ZNF286A: variants seen among roughly 807,000 people sequenced by gnomAD.
The protein encoded by ZNF286A is zinc finger protein ZNF286.
In ZNF286A, 34 loss-of-function variants were observed where a neutral mutation model predicts 49.3. The observed-to-expected ratio is 0.69, with a 90% CI of 0.52 to 0.92. The LOEUF (loss-of-function observed/expected upper bound fraction) is 0.92, where lower values mean the gene tolerates loss of function less well. ZNF286A is among the 40% of genes least tolerant of loss of function. ZNF286A has a pLI of 0.00. For missense variants in ZNF286A, 462 were observed against 600.2 expected (o/e 0.77, Z 2.41); for synonymous variants, 155 against 200.4 (o/e 0.77, Z 1.91).
rs375947515 is a variant in ZNF286A, at chr17:15,708,226, G to A, written c.313G>A (p.Ala105Thr). The A allele has an allele frequency of 4.4e-6, 7 of 1,589,754 alleles. No individual in the cohort carries two copies. Among genetic ancestry groups the A allele is most frequent in the Non-Finnish European group, 6.0e-6 (7 of 1,168,296 alleles). The change falls in exon 5 of 6, where the codon GCC becomes ACC. Residue 105 changes from alanine (A) to threonine (T), a missense_variant. Ala to Thr is a moderately conservative substitution (Grantham distance 58). Coordinates refer to ENST00000583566, the MANE Select transcript of ZNF286A (RefSeq NM_001130842.2). ...GKEPLKLERK[A>T]PKSSYSDMET... ...AGAACCATTGAAGCTTGAGAGAAAA[G>A]CCCCCAAAAGCAGCTATTCAGGTGA...
chr17:15,705,917 C>T (rs1159764581), intron 3 of ZNF286A, among the ~76,000 whole-genome samples: 4 of 152,068 alleles, frequency 2.6e-5, no homozygotes, highest in Non-Finnish European at 4.4e-5. Context: ...TGGTTTTTTG[C>T]TGTCTTTTCT....
rs1261076571 is a variant in ZNF286A at position 15,719,067 on chromosome 17, C to T, written c.*1777C>T. 1 of 119,582 alleles carries T rather than the reference C, an allele frequency of 8.4e-6. No individual in the cohort carries two copies. The highest frequency in any genetic ancestry group is 8.2e-5 in the Admixed American group (1 of 12,152). The allele number at this position is 119,582 out of a possible 1,614,324, so 7.4% of individuals were successfully genotyped here. Reference sequence around the variant, plus strand: ...TCCAGTCACCTTGCACCAGGCCCCACCTCCCACATTGGGGATTACAATTAA... The same window carrying T: ...TCCAGTCACCTTGCACCAGGCCCCATCTCCCACATTGGGGATTACAATTAA... On this transcript the variant is annotated 3_prime_UTR_variant, in exon 6 of 6. Transcript: ENST00000583566.
At chr17:15,709,172 A>C (rs1017425067) in intron 5 of ZNF286A, among the ~76,000 whole-genome samples, 1 of 151,702 alleles carries the variant, frequency 6.6e-6, no homozygotes, top group African/African-American at 2.4e-5. Flanking sequence ...TAAGAAATAA[A>C]AATATTACAT....
intron 5 of ZNF286A, chr17:15,709,822 C>G: frequency 1.3e-6 from 2 of 1,546,848 alleles, no homozygotes; most frequent in Non-Finnish European, 1.7e-6. Context: ...TTAGCAGTTG[C>G]AGTGATCATC....
Position 15,716,210 on chromosome 17 carries a change from A to G in ZNF286A, c.486A>G (p.Leu162=). The G allele has an allele frequency of 6.2e-7, 1 of 1,613,922 alleles. No individual in the cohort carries two copies. The highest frequency in any genetic ancestry group is 8.5e-7 in the Non-Finnish European group (1 of 1,179,832). ...LEAALECENW[L]ENQQGNQERH... is the part of the protein sequence containing the mutation. The stretch of plus-strand genomic sequence containing the variant: ...CAGCCCTTGAATGTGAAAATTGGTT[A>G]GAGAATCAGCAAGGAAATCAGGAGA... Residue 162 remains leucine (L), a synonymous_variant, in exon 6 of 6, where the codon TTA becomes TTG. Transcript: ENST00000583566.
At chr17:15,711,068 A>C (rs1259789351) in intron 5 of ZNF286A, among the ~76,000 whole-genome samples, 1 of 151,588 alleles carries the variant, frequency 6.6e-6, no homozygotes, top group African/African-American at 2.4e-5. Context: ...TACGCCACCA[A>C]ACCCGGCTAA....
intron 5 of ZNF286A, chr17:15,708,482 C>G (rs1480473204): frequency 5.6e-6 from 2 of 355,422 alleles, no homozygotes; most frequent in Admixed American, 9.1e-5. Flanking sequence ...TTCTTCCTTT[C>G]TTTTTCTTAC....
chr17:15,716,899 G>T lies in ZNF286A; in HGVS notation c.1175G>T (p.Ser392Ile). 6.2e-7 allele frequency: 1 copy of T among 1,610,778 alleles called. No homozygotes were observed. The highest frequency in any genetic ancestry group is 8.5e-7 in the Non-Finnish European group (1 of 1,177,908). ...YKCQECGKAF[S>I]HCSSLTKHQR... is the part of the protein sequence containing the mutation. ...TGTCAAGAATGTGGGAAAGCCTTTA[G>T]CCATTGCTCATCCCTAACTAAGCAT... The change falls in exon 6 of 6, where the codon AGC becomes ATC. Residue 392 changes from serine (S) to isoleucine (I), a missense_variant. By Grantham distance (142) the Ser-to-Ile change is moderately radical. This residue lies in a region of ZNF286A where 201 missense variants were observed against 311.3 expected (regional missense o/e 0.65). Transcript: ENST00000583566.
At chr17:15,710,583 C>T (rs1990575882) in intron 5 of ZNF286A, among the ~76,000 whole-genome samples, 2 of 152,046 alleles carry the variant, frequency 1.3e-5, no homozygotes, top group Admixed American at 1.3e-4. Flanking sequence ...TGTCTAATAC[C>T]AGACTGTTTT....
chr17:15,711,649 G>A (rs1167014772), intron 5 of ZNF286A, among the ~76,000 whole-genome samples: 1 of 152,100 alleles, frequency 6.6e-6, no homozygotes, highest in African/African-American at 2.4e-5. Context: ...TGTGGGACAT[G>A]GTGTCTCTGC....
intron 5 of ZNF286A, among the ~76,000 whole-genome samples, chr17:15,711,870 C>T (rs868399416): frequency 0.017 from 1,619 of 94,616 alleles, 95 homozygotes; most frequent in African/African-American, 0.051. Flanking sequence ...GCCCCCCCCC[C>T]GGCTTTTTTT....
chr17:15,702,252 T>C (rs1467176150), intron 3 of ZNF286A, among the ~76,000 whole-genome samples: 2 of 152,282 alleles, frequency 1.3e-5, no homozygotes, highest in East Asian at 3.9e-4. Context: ...CGGTGGCTCA[T>C]GCCTGTAATC....
In ZNF286A at chr17:15,708,261, A is replaced by G. The variant is rs1388223831; in HGVS notation, c.334+14A>G. 9 of 1,561,332 alleles carry G rather than the reference A, an allele frequency of 5.8e-6. No individual in the cohort carries two copies. The South Asian group carries it at 9.8e-5, about 17-fold the overall frequency. ...GCAGCTATTCAGGTGAGCCAGATAG[A>G]TGGGAGTCTTCATAAATGATAGCCC... On this transcript the variant is annotated intron_variant, in intron 5 of 5. Transcript: ENST00000583566.
At chr17:15,708,093 C>T (rs1990372969) in intron 4 of ZNF286A, 62 bp from the exon 5 acceptor site, 2 of 1,230,464 alleles carry the variant, frequency 1.6e-6, no homozygotes, top group Middle Eastern at 2.2e-4. Context: ...AAGAAAACTT[C>T]CACAAATAAC....
Position 15,716,618 on chromosome 17 carries a change from T to C in ZNF286A, c.894T>C (p.Phe298=). ...KHQRTHTRIL[F]ECSECKKTFT... is the part of the protein sequence containing the mutation. Reference sequence around the variant, plus strand: ...AGAGAACTCATACTAGAATTCTCTTTGAATGCAGTGAATGCAAGAAAACCT... The same window carrying C: ...AGAGAACTCATACTAGAATTCTCTTCGAATGCAGTGAATGCAAGAAAACCT... The change falls in exon 6 of 6, where the codon TTT becomes TTC. Residue 298 remains phenylalanine (F), a synonymous_variant. Transcript: ENST00000583566. 1 of 1,614,110 alleles carries C rather than the reference T, an allele frequency of 6.2e-7. No individual in the cohort carries two copies. The highest frequency in any genetic ancestry group is 8.5e-7 in the Non-Finnish European group (1 of 1,180,002).
chr17:15,704,433 C>G, intron 3 of ZNF286A: 1 of 1,609,432 alleles, frequency 6.2e-7, no homozygotes, highest in Non-Finnish European at 8.5e-7. Context: ...CGCCGGCGCC[C>G]CCGTGGATCT....
At position 15,717,059 on chromosome 17, in the gene ZNF286A, A is replaced by T; in HGVS notation, c.1335A>T (p.Lys445Asn). The T allele has an allele frequency of 6.2e-7, 1 of 1,614,174 alleles. No individual in the cohort carries two copies. The change falls in exon 6 of 6, where the codon AAA (lysine) becomes AAT (asparagine). Residue 445 changes from lysine to asparagine, a missense_variant. Coordinates refer to ENST00000583566, the MANE Select transcript of ZNF286A (RefSeq NM_001130842.2). ...CCTATGAGTGTAATGAATGTGGGAA[A>T]ACCTTCAGCCGGAGCTCCAATTTTG... ...EKPYECNECG[K>N]TFSRSSNFAK...
At chr17:15,712,161 T>C (rs374224038) in intron 5 of ZNF286A, among the ~76,000 whole-genome samples, 240 of 152,328 alleles carry the variant, frequency 1.6e-3, no homozygotes, top group South Asian at 5.6e-3. Context: ...CGTGAGCCAC[T>C]GCGTCCAGCA....
intron 3 of ZNF286A, chr17:15,704,211 T>C (rs1358054257): frequency 1.3e-6 from 2 of 1,557,004 alleles, no homozygotes; most frequent in African/African-American, 1.4e-5. Context: ...GGGGTCACGG[T>C]GGAAGGAGGA....
Sources: gnomAD v4.1 joint callset for allele counts (sites outside exome capture counted in the v4.1 genomes callset) on GRCh38, gnomAD v4.1.1 for gene constraint, gnomAD v4.1.1 regional missense constraint, MANE v1.5 for transcripts, NCBI Gene and HGNC (gene_info 2026-07-23, HGNC 2026-07-21) for gene names.